TOP3A: variants seen among roughly 807,000 people sequenced by gnomAD.
TOP3A encodes DNA topoisomerase III alpha.
Under a neutral mutation model 111.3 loss-of-function variants are expected in TOP3A, and 64 were observed. The observed-to-expected ratio is 0.57, with a 90% CI of 0.47 to 0.71. TOP3A has a LOEUF of 0.71. Among genes scored for constraint, TOP3A ranks in the 30% least tolerant of loss-of-function variants. TOP3A has a pLI of 0.00. For synonymous variants in TOP3A, 484 were observed against 485.1 expected, an observed-to-expected ratio of 1.00 and a Z score of 0.03; for missense variants, 1,104 against 1,285.0, an observed-to-expected ratio of 0.86 and a Z score of 2.15.
chr17:18,274,956 G>A lies in TOP3A; in HGVS notation c.2852C>T (p.Thr951Ile). The change falls in exon 19 of 19, where the codon ACA becomes ATA. Residue 951 changes from threonine to isoleucine, a missense_variant. Thr to Ile is a moderately conservative substitution (Grantham distance 89). Transcript: ENST00000321105. ...CTCCAGGGTTCTTCCTCTGTCTCCT[G>A]TCCAGGACGGGGCTCCAGAAGTCCC... ...APGTSGAPSW[T>I]GDRGRTLESE... is the part of the protein sequence containing the mutation. 1.2e-6 allele frequency: 2 copies of A among 1,614,048 alleles called. No individual in the cohort carries two copies. Among genetic ancestry groups the A allele is most frequent in the Non-Finnish European group, 1.7e-6 (2 of 1,180,012 alleles).
At chr17:18,285,947 C>T (rs529985892) in intron 13 of TOP3A, among the ~76,000 whole-genome samples, 1 of 152,334 alleles carries the variant, frequency 6.6e-6, no homozygotes, top group South Asian at 2.1e-4. Flanking sequence ...TGCCTGTAAT[C>T]CCAGCATTTT....
rs531894680 is a variant in TOP3A at position 18,279,536 on chromosome 17, G to A, written c.2144+1000C>T. On this transcript the variant is annotated intron_variant, in intron 17 of 18. Transcript: ENST00000321105. ...CTCCCAAAGTGTTGGGATTACAGGC[G>A]TGAGCCACCACGCCTGGCCATTTTT... 5.4e-3 allele frequency among the ~76,000 whole-genome samples: 438 copies of A among 80,988 alleles called. 3 individuals are homozygous for A. The highest frequency in any genetic ancestry group is 9.4e-3 in the Non-Finnish European group (365 of 38,736). The allele number at this position is 80,988 out of a possible 152,430, so 53.1% of individuals were successfully genotyped here.
intron 1 of TOP3A, chr17:18,311,854 T>G (rs1981930247): frequency 6.6e-6 from 1 of 152,232 alleles, no homozygotes; most frequent in South Asian, 2.1e-4. Context: ...GAGGGAAGGA[T>G]TCCTTGAAGA....
chr17:18,281,559 AC>A (rs1567735825), intron 16 of TOP3A, among the ~76,000 whole-genome samples: 1 of 152,260 alleles, frequency 6.6e-6, no homozygotes, highest in East Asian at 1.9e-4. Flanking sequence ...AGCAAGGAAA[AC>A]CCATCGACAG....
intron 17 of TOP3A, among the ~76,000 whole-genome samples, chr17:18,279,792 T>TCCTCCTGC (rs1979640736): frequency 6.6e-6 from 1 of 152,156 alleles, no homozygotes; most frequent in African/African-American, 2.4e-5. Flanking sequence ...GATCAAGCGA[T>TCCTCCTGC]CCTCCTGCCT....
At chr17:18,286,365 A>AT (rs1376576975) in intron 13 of TOP3A, among the ~76,000 whole-genome samples, 35 of 150,768 alleles carry the variant, frequency 2.3e-4, no homozygotes, top group African/African-American at 8.3e-4. Context: ...AAAAAAAAAA[A>AT]ATTAGCCGGG....
At chr17:18,301,832 G>C in intron 8 of TOP3A, 53 bp downstream of exon 8, 1 of 1,428,202 alleles carries the variant, frequency 7.0e-7, no homozygotes, top group Non-Finnish European at 9.8e-7. Context: ...GCCGACAGTG[G>C]GAGTGGTTTG....
intron 15 of TOP3A, among the ~76,000 whole-genome samples, chr17:18,283,313 G>A (rs1187945281): frequency 6.6e-6 from 1 of 151,886 alleles, no homozygotes; most frequent in Non-Finnish European, 1.5e-5. Context: ...AGGTTGTGGT[G>A]AGCCAAGATC....
intron 9 of TOP3A, among the ~76,000 whole-genome samples, chr17:18,298,512 G>A (rs538559982): frequency 6.7e-6 from 1 of 150,276 alleles, no homozygotes; most frequent in South Asian, 2.1e-4. Context: ...ACTGGGAAGT[G>A]AGGATCCCCT....
At chr17:18,292,522 T>A (rs755291180) in intron 11 of TOP3A, 123 bp downstream of exon 11, 3 of 933,212 alleles carry the variant, frequency 3.2e-6, no homozygotes, top group Non-Finnish European at 4.6e-6. Context: ...GATTGTGAAA[T>A]GAGAGAGATC....
In TOP3A at chr17:18,272,068, AAAAAAAT is replaced by A. The variant is rs779396652; in HGVS notation, c.*2727_*2733del. 3.6e-4 allele frequency among the ~76,000 whole-genome samples: 55 copies of A among 152,288 alleles called. No homozygotes were observed. The highest frequency in any genetic ancestry group is 7.7e-4 in the East Asian group (4 of 5,176). On this transcript the variant is annotated 3_prime_UTR_variant, in exon 19 of 19. Transcript: ENST00000321105. ...GCACAAGAGCGAAACTCCATCTCAAAAAAAAATAAAAAATAAAAAATAAAAAATGGGT... is the reference window on the plus strand; with the variant it reads ...GCACAAGAGCGAAACTCCATCTCAAAAAAAAATAAAAAATAAAAAATGGGT...
chr17:18,307,609 AAAATAAAT>A (rs951095813), intron 3 of TOP3A: 1 of 150,992 alleles, frequency 6.6e-6, no homozygotes, highest in Non-Finnish European at 1.5e-5. Context: ...AAAAATAAAT[AAAATAAAT>A]AAATAAATAA....
chr17:18,289,557 C>A (rs2386457), intron 13 of TOP3A, among the ~76,000 whole-genome samples: 46,054 of 152,018 alleles, frequency 0.3, 7,278 homozygotes, highest in African/African-American at 0.34. Flanking sequence ...GGATTACAGG[C>A]GTGAGCCACT....
chr17:18,278,012 G>A lies in TOP3A; in HGVS notation c.2490C>T (p.Asn830=). Residue 830 remains asparagine (N), a synonymous_variant, in exon 18 of 19, where the codon AAC becomes AAT. Transcript: ENST00000321105. Reference sequence around the variant, plus strand: ...TGCACTTAAAGAACTGCCGGCCCCGGTTGGGGCCCTCCTTACGGACAGTGA... The same window carrying A: ...TGCACTTAAAGAACTGCCGGCCCCGATTGGGGCCCTCCTTACGGACAGTGA... ...VLLTVRKEGP[N]RGRQFFKCNG... The A allele has an allele frequency of 8.7e-6, 14 of 1,614,148 alleles. No individual in the cohort carries two copies. Among genetic ancestry groups the A allele is most frequent in the Non-Finnish European group, 1.1e-5 (13 of 1,180,040 alleles).
In TOP3A at chr17:18,314,840, T is replaced by TTTG; in HGVS notation, c.-63_-62insCAA. 1 of 1,410,342 alleles carries TTTG rather than the reference T, an allele frequency of 7.1e-7. No individual in the cohort carries two copies. The highest frequency in any genetic ancestry group is 9.3e-7 in the Non-Finnish European group (1 of 1,073,692). The allele number at this position is 1,410,342 out of a possible 1,614,324, so 87.4% of individuals were successfully genotyped here. A position where few individuals can be genotyped will look rare whatever the true frequency, so the allele number is the denominator to read the frequency against. On this transcript the variant is annotated 5_prime_UTR_variant, in exon 1 of 19. Transcript: ENST00000321105. ...CGGCGCATCCTGGGGAAGCCAGAGATGAGGCTCAAATGGCGCCCACCGAAA... is the reference window on the plus strand; with the variant it reads ...CGGCGCATCCTGGGGAAGCCAGAGATTTGGAGGCTCAAATGGCGCCCACCGAAA...
chr17:18,303,630 G>A (rs1981375866), intron 5 of TOP3A, among the ~76,000 whole-genome samples: 1 of 152,146 alleles, frequency 6.6e-6, no homozygotes, highest in South Asian at 2.1e-4. Context: ...TAGCCTACGT[G>A]CACATCCAGG....
At chr17:18,279,695 T>A (rs1352818180) in intron 17 of TOP3A, among the ~76,000 whole-genome samples, 1 of 152,136 alleles carries the variant, frequency 6.6e-6, no homozygotes, top group Non-Finnish European at 1.5e-5. Context: ...GGCCTATTCA[T>A]TTATTTCTAG....
At chr17:18,285,865 C>T (rs1224275492) in intron 13 of TOP3A, among the ~76,000 whole-genome samples, 1 of 152,150 alleles carries the variant, frequency 6.6e-6, no homozygotes, top group African/African-American at 2.4e-5. Context: ...CCAAAGGGAC[C>T]TTTCAAAATG....
rs144577827 is a variant in TOP3A at position 18,277,971 on chromosome 17, T to C, written c.2531A>G (p.Asn844Ser). ...QFFKCNGGSC[N>S]FFLWADSPNP... ...GGGGCTGTCTGCCCACAGGAAGAAG[T>C]TGCAGCTACCTCCGTTGCACTTAAA... Residue 844 changes from asparagine (N) to serine (S), a missense_variant, in exon 18 of 19, where the codon AAC becomes AGC. Physicochemically the swap from Asn to Ser is conservative, Grantham distance 46. Coordinates refer to ENST00000321105, the MANE Select transcript of TOP3A (RefSeq NM_004618.5). 1.1e-4 allele frequency: 171 copies of C among 1,613,912 alleles called. No homozygotes were observed. Among genetic ancestry groups the C allele is most frequent in the Non-Finnish European group, 1.4e-4 (163 of 1,180,052 alleles).
Sources: gnomAD v4.1 joint callset for allele counts (sites outside exome capture counted in the v4.1 genomes callset) on GRCh38, gnomAD v4.1.1 for gene constraint, MANE v1.5 for transcripts, NCBI Gene and HGNC (gene_info 2026-07-23, HGNC 2026-07-21) for gene names.